USP18: variants seen among roughly 807,000 people sequenced by gnomAD.
The protein encoded by USP18 is ubiquitin specific peptidase 18.
Under a neutral mutation model 48.7 loss-of-function variants are expected in USP18, and 11 were observed. The observed-to-expected ratio is 0.23, with a 90% CI of 0.14 to 0.37. The LOEUF (loss-of-function observed/expected upper bound fraction) is 0.37. Ranked by LOEUF, USP18 falls within the 10% of genes least tolerant of loss-of-function variation. The pLI is 1.00. For synonymous variants in USP18, 114 were observed against 163.2 expected (o/e 0.70, Z 2.30); for missense variants, 285 against 436.4 (o/e 0.65, Z 3.09).
intron 1 of USP18, among the ~76,000 whole-genome samples, chr22:18,152,627 C>T (rs942581246): frequency 3.9e-5 from 6 of 151,986 alleles, no homozygotes; most frequent in Admixed American, 1.3e-4. Flanking sequence ...CCTTGGAATC[C>T]GCCCAGGCTG....
chr22:18,160,662 T>C (rs1929305595), intron 3 of USP18, among the ~76,000 whole-genome samples: 1 of 152,100 alleles, frequency 6.6e-6, no homozygotes, highest in Non-Finnish European at 1.5e-5. Flanking sequence ...TTTGAGATCT[T>C]CTCTCAAAAG....
chr22:18,153,998 G>A (rs150549746), intron 1 of USP18, among the ~76,000 whole-genome samples: 2 of 151,380 alleles, frequency 1.3e-5, no homozygotes, highest in East Asian at 1.9e-4. Flanking sequence ...CGTATCTCGG[G>A]TATTATGAGC....
intron 6 of USP18, among the ~76,000 whole-genome samples, chr22:18,168,388 A>C (rs1044680159): frequency 6.0e-5 from 8 of 133,472 alleles, no homozygotes; most frequent in Non-Finnish European, 1.1e-4. Context: ...CTCATGATGC[A>C]ATAACCTCCC....
rs1929681389 is a variant in USP18 at position 18,173,111 on chromosome 22, T to C, written c.892-39T>C. ...TAAATGTGTGAGGCAGTCGTGTTTG[T>C]GGTGGTGGGTGAACTGTCTCGTGCC... is the stretch of plus-strand genomic sequence containing the variant. On this transcript the variant is annotated intron_variant, in intron 8 of 10. Coordinates refer to ENST00000215794, the MANE Select transcript of USP18 (RefSeq NM_017414.4). The C allele has an allele frequency of 1.9e-6, 3 of 1,602,502 alleles. No individual in the cohort carries two copies. In the South Asian group the frequency reaches 3.4e-5, roughly 18 times the overall value.
At chr22:18,156,235 A>C (rs191088454) in intron 1 of USP18, among the ~76,000 whole-genome samples, 1 of 151,242 alleles carries the variant, frequency 6.6e-6, no homozygotes, top group Non-Finnish European at 1.5e-5. Context: ...CACCCTGTCA[A>C]AACGGACCAA....
At chr22:18,175,679 C>G (rs1282163868) in intron 10 of USP18, among the ~76,000 whole-genome samples, 1 of 148,132 alleles carries the variant, frequency 6.8e-6, no homozygotes, top group African/African-American at 2.6e-5. Flanking sequence ...CATTTACTTG[C>G]AAAAAGAGGG....
At chr22:18,164,701 A>C (rs910561198) in intron 4 of USP18, among the ~76,000 whole-genome samples, 3 of 152,192 alleles carry the variant, frequency 2.0e-5, no homozygotes, top group African/African-American at 7.2e-5. Flanking sequence ...TGCTGAGCAC[A>C]GCTGCTGGAA....
chr22:18,161,647 G>A lies in USP18; in HGVS notation c.255-143G>A, dbSNP rs537600751. 8.7e-5 allele frequency: 70 copies of A among 801,428 alleles called. 1 individual carries two copies. In the South Asian group the frequency reaches 1.2e-3, roughly 14 times the overall value. The allele number at this position is 801,428 out of a possible 1,614,324, so 49.6% of individuals were successfully genotyped here. A position where few individuals can be genotyped will look rare whatever the true frequency, so the allele number is the denominator to read the frequency against. ...AAATTCTGATAACTGCCCGCGCCCC[G>A]CCCCCCGGACCCAGAATTCTGGTTT... On this transcript the variant is annotated intron_variant, in intron 3 of 10. Transcript: ENST00000215794.
intron 8 of USP18, among the ~76,000 whole-genome samples, chr22:18,172,381 A>G (rs372254268): frequency 3.3e-5 from 5 of 152,326 alleles, no homozygotes; most frequent in South Asian, 2.1e-4. Flanking sequence ...CAATTCCTTA[A>G]TAGCATCAAA....
intron 3 of USP18, among the ~76,000 whole-genome samples, chr22:18,161,176 G>A (rs1311022636): frequency 6.6e-6 from 1 of 151,294 alleles, no homozygotes; most frequent in Non-Finnish European, 1.5e-5. Context: ...ACCAAAGTCG[G>A]AGAAGGAGTA....
rs1929578415 is a variant in USP18 at position 18,169,831 on chromosome 22, T to A, written c.628-13T>A. ...CCAACGCTGCTTTTTCCCTGTTCTC[T>A]TGGGTGGGACAGGAGGACGCCCTGC... On this transcript the variant is annotated splice_polypyrimidine_tract_variant and intron_variant, in intron 6 of 10. Transcript: ENST00000215794. 1.9e-6 allele frequency: 3 copies of A among 1,575,690 alleles called. No homozygotes were observed. Among genetic ancestry groups the A allele is most frequent in the Admixed American group, 1.8e-5 (1 of 55,496 alleles).
At chr22:18,156,195 T>C (rs1166608332) in intron 1 of USP18, among the ~76,000 whole-genome samples, 3 of 152,170 alleles carry the variant, frequency 2.0e-5, no homozygotes, top group Non-Finnish European at 4.4e-5. Flanking sequence ...GTTTTGTGTC[T>C]AGCTCAGGGA....
intron 6 of USP18, among the ~76,000 whole-genome samples, chr22:18,168,289 C>T (rs1929535762): frequency 6.6e-6 from 1 of 152,092 alleles, no homozygotes; most frequent in Admixed American, 6.5e-5. Flanking sequence ...CTCTCTTCCT[C>T]TTCGTATGAA....
At chr22:18,167,061 C>A (rs551976141) in intron 4 of USP18, among the ~76,000 whole-genome samples, 194 bp from the exon 5 acceptor site, 1 of 152,156 alleles carries the variant, frequency 6.6e-6, no homozygotes, top group Non-Finnish European at 1.5e-5. Context: ...TTTTAAGAGG[C>A]GTTCTCAAAA....
At chr22:18,174,234 T>C (rs1425914559) in intron 10 of USP18, among the ~76,000 whole-genome samples, 1 of 142,402 alleles carries the variant, frequency 7.0e-6, no homozygotes, top group Non-Finnish European at 1.5e-5. Flanking sequence ...TTTTCTTTTC[T>C]TTTTTTTTTT....
chr22:18,168,939 T>A (rs1929555191), intron 6 of USP18, among the ~76,000 whole-genome samples: 1 of 152,138 alleles, frequency 6.6e-6, no homozygotes, highest in African/African-American at 2.4e-5. Flanking sequence ...TACTGCTCCC[T>A]TAATAGGAGC....
chr22:18,160,388 T>G, intron 3 of USP18, 120 bp downstream of exon 3: 1 of 1,204,056 alleles, frequency 8.3e-7, no homozygotes. Context: ...TCACTGCAAG[T>G]TCTGCCTCCC....
At chr22:18,170,152 C>G (rs958590695) in intron 7 of USP18, among the ~76,000 whole-genome samples, 1 of 151,008 alleles carries the variant, frequency 6.6e-6, no homozygotes, top group Non-Finnish European at 1.5e-5. Context: ...ATGTGGAACT[C>G]GTGCCTATGG....
chr22:18,176,417 A>T (rs2123746059), intron 10 of USP18, among the ~76,000 whole-genome samples: 1 of 71,066 alleles, frequency 1.4e-5, no homozygotes, highest in Non-Finnish European at 2.5e-5. Context: ...GAGGGAGGGG[A>T]GGGGTGAAAG....
Sources: gnomAD v4.1 joint callset for allele counts (sites outside exome capture counted in the v4.1 genomes callset) on GRCh38, gnomAD v4.1.1 for gene constraint, MANE v1.5 for transcripts, NCBI Gene and HGNC (gene_info 2026-07-23, HGNC 2026-07-21) for gene names.